Variants in HIVEP1 observed in about 807,000 individuals in gnomAD.
HIVEP1 encodes zinc finger protein 40.
HIVEP1 carries 36 observed loss-of-function variants against 180.0 expected under a neutral mutation model. The observed-to-expected ratio is 0.20, with a 90% CI of 0.15 to 0.26. HIVEP1 has a LOEUF of 0.26. Ranked by LOEUF, HIVEP1 falls within the 10% of genes least tolerant of loss-of-function variation. The pLI, the probability that HIVEP1 is intolerant of heterozygous loss-of-function variation, is 1.00. For synonymous variants in HIVEP1, 1,239 were observed against 1,239.0 expected (o/e 1.00, Z 0.00); for missense variants, 3,143 against 3,268.7 (o/e 0.96, Z 0.94).
At chr6:12,061,218 C>T (rs1182137755) in intron 2 of HIVEP1, among the ~76,000 whole-genome samples, 1 of 152,134 alleles carries the variant, frequency 6.6e-6, no homozygotes, top group Non-Finnish European at 1.5e-5. Context: ...GTGTTCCCAC[C>T]CTTTGATGCG....
downstream of HIVEP1, among the ~76,000 whole-genome samples, chr6:12,166,110 G>A (rs1419293384): frequency 5.3e-5 from 8 of 152,144 alleles, no homozygotes; most frequent in African/African-American, 9.7e-5. Flanking sequence ...TAGGGATTGC[G>A]TTGCCCTATC....
intron 7 of HIVEP1, among the ~76,000 whole-genome samples, chr6:12,151,708 G>C (rs976305933): frequency 9.2e-5 from 14 of 152,130 alleles, no homozygotes; most frequent in African/African-American, 2.9e-4. Flanking sequence ...AATATTTTAG[G>C]CTTTGCAAGC....
chr6:12,063,771 T>C lies in HIVEP1; in HGVS notation c.41-25413T>C, dbSNP rs1465701279. Among the ~76,000 whole-genome samples, 2 of 152,116 alleles carry C rather than the reference T, an allele frequency of 1.3e-5. No individual in the cohort carries two copies. Among genetic ancestry groups the C allele is most frequent in the Non-Finnish European group, 2.9e-5 (2 of 68,018 alleles). On this transcript the variant is annotated intron_variant, in intron 2 of 8. Coordinates refer to ENST00000379388, the MANE Select transcript of HIVEP1 (RefSeq NM_002114.4). The surrounding 1 kb of genome is among the most constrained non-coding windows in gnomAD (Gnocchi z 4.2). ...TCACTGGGCAGTCTGCAAGACTGAC[T>C]CTCCAACCAAGTGAAACCTCTTGTG...
chr6:12,110,219 A>G (rs1393177764), intron 3 of HIVEP1, among the ~76,000 whole-genome samples: 2 of 152,220 alleles, frequency 1.3e-5, no homozygotes, highest in Non-Finnish European at 2.9e-5. Context: ...ATGGATTTTC[A>G]GAATAGTAGA....
At chr6:12,191,874 T>C in the HIVEP1 span, among the ~76,000 whole-genome samples, 1 of 152,204 alleles carries the variant, frequency 6.6e-6, no homozygotes, top group African/African-American at 2.4e-5. Flanking sequence ...AATTATAGAA[T>C]ATTAGACCTG....
intron 3 of HIVEP1, among the ~76,000 whole-genome samples, chr6:12,115,530 A>G (rs1167037399): frequency 2.0e-5 from 3 of 151,820 alleles, no homozygotes; most frequent in Non-Finnish European, 2.9e-5. Context: ...TATCTGTTAT[A>G]TGAAGTCGTG....
intron 3 of HIVEP1, among the ~76,000 whole-genome samples, chr6:12,094,242 TTGTC>T (rs1285325881): frequency 6.6e-6 from 1 of 152,024 alleles, no homozygotes; most frequent in Non-Finnish European, 1.5e-5. Flanking sequence ...ATTATGAAAA[TTGTC>T]TGCTGGTGTT....
intron 2 of HIVEP1, among the ~76,000 whole-genome samples, chr6:12,062,162 T>C (rs1293683452): frequency 1.3e-5 from 2 of 152,210 alleles, no homozygotes; most frequent in East Asian, 1.9e-4. Context: ...TGGTGTTACA[T>C]AGTGCCACTG....
intron 2 of HIVEP1, among the ~76,000 whole-genome samples, chr6:12,040,821 T>C (rs542019113): frequency 6.8e-6 from 1 of 148,044 alleles, no homozygotes; most frequent in African/African-American, 2.5e-5. Flanking sequence ...CTTCCAATCA[T>C]GGTGGAAAGT....
At chr6:12,149,177 A>G (rs1233652071) in intron 7 of HIVEP1, among the ~76,000 whole-genome samples, 1 of 152,212 alleles carries the variant, frequency 6.6e-6, no homozygotes, top group Non-Finnish European at 1.5e-5. Flanking sequence ...AAAGTGATGT[A>G]TACTTGATAC....
At chr6:12,083,209 A>G (rs1206158988) in intron 2 of HIVEP1, among the ~76,000 whole-genome samples, 1 of 152,122 alleles carries the variant, frequency 6.6e-6, no homozygotes, top group East Asian at 1.9e-4. Context: ...AATGTTTAGA[A>G]TTATGTCTTT....
intron 2 of HIVEP1, among the ~76,000 whole-genome samples, chr6:12,066,310 C>A (rs1771580435): frequency 6.6e-6 from 1 of 152,168 alleles, no homozygotes; most frequent in Admixed American, 6.5e-5. Flanking sequence ...CAAATAATTG[C>A]ATGATGACCA....
chr6:12,059,347 A>C (rs536859208), intron 2 of HIVEP1, among the ~76,000 whole-genome samples: 1 of 152,142 alleles, frequency 6.6e-6, no homozygotes, highest in Admixed American at 6.5e-5. Flanking sequence ...CAACATTCAT[A>C]CTTTCTTATC....
intron 3 of HIVEP1, among the ~76,000 whole-genome samples, chr6:12,091,681 T>C (rs556880616): frequency 6.6e-6 from 1 of 152,320 alleles, no homozygotes; most frequent in African/African-American, 2.4e-5. Context: ...TTAATGTACT[T>C]ATTTTATTCT....
chr6:12,175,901 C>T, the HIVEP1 span, among the ~76,000 whole-genome samples: 2 of 152,116 alleles, frequency 1.3e-5, no homozygotes, highest in Admixed American at 6.6e-5. Context: ...CTTGGTGCAA[C>T]CTAACAGGGA....
intron 2 of HIVEP1, among the ~76,000 whole-genome samples, chr6:12,037,175 G>A (rs1320112446): frequency 2.0e-5 from 3 of 152,054 alleles, no homozygotes; most frequent in Admixed American, 6.5e-5. Flanking sequence ...GGAGTGGGTG[G>A]GTGTATATCG....
intron 2 of HIVEP1, among the ~76,000 whole-genome samples, chr6:12,057,911 GGCAT>G (rs1232843941): frequency 9.2e-5 from 14 of 152,172 alleles, no homozygotes; most frequent in African/African-American, 3.1e-4. Context: ...AGTAGCACTC[GGCAT>G]GTAGTTTGCA....
In HIVEP1 at chr6:12,051,183, T is replaced by C. The variant is rs1358418469; in HGVS notation, c.40+35515T>C. Among the ~76,000 whole-genome samples the C allele has an allele frequency of 2.0e-5, 3 of 151,930 alleles. No homozygotes were observed. The East Asian group carries it at 5.8e-4, about 29-fold the overall frequency. The stretch of plus-strand genomic sequence containing the variant: ...TGATATACACAGCAGTTCAGACTAC[T>C]AATGCCAGCACCAATACCACCATTT... On this transcript the variant is annotated intron_variant, in intron 2 of 8. Transcript: ENST00000379388.
chr6:12,149,781 G>C (rs562295817), intron 7 of HIVEP1, among the ~76,000 whole-genome samples: 15 of 152,214 alleles, frequency 9.9e-5, no homozygotes, highest in African/African-American at 3.4e-4. Context: ...CCATACCCAG[G>C]TTATCATTCA....
Sources: gnomAD v4.1 joint callset for allele counts (sites outside exome capture counted in the v4.1 genomes callset) on GRCh38, gnomAD v4.1.1 for gene constraint, Gnocchi (gnomAD v3.1) non-coding constraint, MANE v1.5 for transcripts, NCBI Gene and HGNC (gene_info 2026-07-23, HGNC 2026-07-21) for gene names.